PDS5A: variants seen among roughly 807,000 people sequenced by gnomAD.
The protein encoded by PDS5A is PDS5 cohesin associated factor A, also known as sister chromatid cohesion protein PDS5 homolog A.
A neutral mutation model predicts 167.1 loss-of-function variants in PDS5A; 42 were observed. The ratio of observed to expected loss-of-function variants is 0.25; its 90% CI spans 0.20 to 0.33. The LOEUF is 0.33. Among genes scored for constraint, PDS5A ranks in the 10% least tolerant of loss-of-function variants. The probability of loss-of-function intolerance (pLI) is 1.00; values close to 1 mark genes in which losing one functional copy is unlikely to be tolerated. For missense variants in PDS5A, 1,033 were observed against 1,605.9 expected (o/e 0.64, Z 6.10); for synonymous variants, 553 against 554.6 (o/e 1.00, Z 0.04).
At chr4:39,945,321 C>A (rs191003793) in intron 2 of PDS5A, among the ~76,000 whole-genome samples, 1 of 151,650 alleles carries the variant, frequency 6.6e-6, no homozygotes, top group Non-Finnish European at 1.5e-5. Context: ...ATTAGCCAGG[C>A]GTGGTGGCAG....
At chr4:39,873,199 T>G (rs749965548) in intron 20 of PDS5A, 55 bp from the exon 21 acceptor site, 95 of 1,123,874 alleles carry the variant, frequency 8.5e-5, no homozygotes, top group Non-Finnish European at 2.8e-5. Flanking sequence ...ATCTAGACAC[T>G]CTACTGAAAC....
chr4:39,952,494 ATCT>A (rs1450253621), intron 2 of PDS5A, among the ~76,000 whole-genome samples: 1 of 152,046 alleles, frequency 6.6e-6, no homozygotes, highest in Non-Finnish European at 1.5e-5. Context: ...TAATTTGTTA[ATCT>A]TTTTTTTTTC....
intron 22 of PDS5A, 143 bp downstream of exon 22, chr4:39,869,250 CA>C: frequency 1.6e-6 from 1 of 632,868 alleles, no homozygotes; most frequent in Non-Finnish European, 2.8e-6. Context: ...GTGGGAGGAT[CA>C]GCTGAGCCCA....
intron 17 of PDS5A, among the ~76,000 whole-genome samples, chr4:39,885,183 G>A (rs1223853555): frequency 6.7e-6 from 1 of 149,966 alleles, no homozygotes; most frequent in Admixed American, 6.7e-5. Context: ...AGGCAGAGGT[G>A]GCAGTGAGCT....
chr4:39,928,695 T>C (rs1055159291), intron 2 of PDS5A, among the ~76,000 whole-genome samples: 1 of 152,004 alleles, frequency 6.6e-6, no homozygotes, highest in Non-Finnish European at 1.5e-5. Context: ...TATGGTAGCA[T>C]GTGTCTGTAG....
At chr4:39,931,415 G>A (rs1330586003) in intron 2 of PDS5A, among the ~76,000 whole-genome samples, 7 of 152,152 alleles carry the variant, frequency 4.6e-5, no homozygotes, top group Non-Finnish European at 4.4e-5. Context: ...ATTGGAAAGT[G>A]GCTTAGCTAA....
intron 2 of PDS5A, among the ~76,000 whole-genome samples, chr4:39,944,094 C>T (rs1214674848): frequency 4.9e-5 from 7 of 144,264 alleles, no homozygotes; most frequent in East Asian, 2.2e-4. Flanking sequence ...AAGAGAATGG[C>T]GTGAACCCAG....
intron 23 of PDS5A, among the ~76,000 whole-genome samples, chr4:39,866,498 G>A (rs1246500336): frequency 6.6e-6 from 1 of 152,154 alleles, no homozygotes; most frequent in East Asian, 1.9e-4. Flanking sequence ...GCTCTTTGAA[G>A]GCAGGGACTT....
intron 23 of PDS5A, among the ~76,000 whole-genome samples, chr4:39,863,790 G>A (rs1400194247): frequency 2.0e-5 from 3 of 152,092 alleles, no homozygotes; most frequent in African/African-American, 7.2e-5. Flanking sequence ...TTTACATCAG[G>A]AGCTGTATCC....
At chr4:39,829,086 C>G (rs1715578254) in intron 32 of PDS5A, among the ~76,000 whole-genome samples, 1 of 152,098 alleles carries the variant, frequency 6.6e-6, no homozygotes, top group Non-Finnish European at 1.5e-5. Context: ...TGTAGCTCAG[C>G]GGTGTGTTTG....
chr4:39,851,709 T>C lies in PDS5A; in HGVS notation c.3087-2057A>G, dbSNP rs80302529. 5.5e-3 allele frequency among the ~76,000 whole-genome samples: 833 copies of C among 152,318 alleles called. 7 individuals are homozygous for C. Among genetic ancestry groups the C allele is most frequent in the African/African-American group, 0.019 (791 of 41,564 alleles). On this transcript the variant is annotated intron_variant, in intron 26 of 32. Transcript: ENST00000303538. ...TTAACAAAAATACACAAAATAAATATAATAAACATTATCTGAGCAACTATA... is the reference window on the plus strand; with the variant it reads ...TTAACAAAAATACACAAAATAAATACAATAAACATTATCTGAGCAACTATA...
intron 7 of PDS5A, among the ~76,000 whole-genome samples, chr4:39,918,606 T>C (rs1034603810): frequency 1.3e-5 from 2 of 152,154 alleles, no homozygotes; most frequent in Admixed American, 6.5e-5. Context: ...GTAATCGCAG[T>C]ACTTTGGGAG....
intron 18 of PDS5A, among the ~76,000 whole-genome samples, chr4:39,879,060 G>C (rs908984348): frequency 1.3e-5 from 2 of 152,150 alleles, no homozygotes; most frequent in Non-Finnish European, 2.9e-5. Flanking sequence ...TGATATTTAA[G>C]ACCCTTGGAA....
Position 39,928,052 on chromosome 4 carries a change from T to A in PDS5A, c.251A>T (p.Lys84Ile). 1 of 1,613,664 alleles carries A rather than the reference T, an allele frequency of 6.2e-7. No homozygotes were observed. Among genetic ancestry groups the A allele is most frequent in the East Asian group, 2.2e-5 (1 of 44,868 alleles). ...ASEFFLRNPN[K>I]DVRLLVACCL... is the part of the protein sequence containing the mutation. ...ACATGCTACAAGGAGACGCACATCTTTATTGGGGTTCCTGAGGAAGAATTC... is the reference window on the plus strand; with the variant it reads ...ACATGCTACAAGGAGACGCACATCTATATTGGGGTTCCTGAGGAAGAATTC... The change falls in exon 3 of 33, where the codon AAA becomes ATA. Residue 84 changes from lysine (K) to isoleucine (I), a missense_variant. By Grantham distance (102) the Lys-to-Ile change is moderately radical. Around this residue, in one of 4 missense-constraint regions of PDS5A, gnomAD observed 388 missense variants for 615.1 expected, o/e 0.63. Coordinates refer to ENST00000303538, the MANE Select transcript of PDS5A (RefSeq NM_001100399.2).
chr4:39,924,354 A>C (rs990630473), intron 5 of PDS5A, among the ~76,000 whole-genome samples: 1 of 152,252 alleles, frequency 6.6e-6, no homozygotes, highest in African/African-American at 2.4e-5. Context: ...AGCAAAAGCT[A>C]ACAAACACAA....
At chr4:39,907,965 C>T (rs1338841325) in intron 11 of PDS5A, among the ~76,000 whole-genome samples, 1 of 152,136 alleles carries the variant, frequency 6.6e-6, no homozygotes, top group African/African-American at 2.4e-5. Flanking sequence ...TTGTCCTTAG[C>T]TTGGCACATC....
Position 39,824,751 on chromosome 4 carries a change from G to A in PDS5A, c.*734C>T, listed in dbSNP as rs1311308172. On this transcript the variant is annotated 3_prime_UTR_variant, in exon 33 of 33. Coordinates refer to ENST00000303538, the MANE Select transcript of PDS5A (RefSeq NM_001100399.2). ...ACAAACAACAATATGTACATTTATT[G>A]CAAATTATATTAAACTAAAATGAGG... The A allele has an allele frequency of 6.6e-6, 1 of 152,482 alleles. No individual in the cohort carries two copies. The highest frequency in any genetic ancestry group is 1.5e-5 in the Non-Finnish European group (1 of 68,016). The allele number at this position is 152,482 out of a possible 1,614,324, so 9.4% of individuals were successfully genotyped here. A position where few individuals can be genotyped will look rare whatever the true frequency, so the allele number is the denominator to read the frequency against.
chr4:39,880,576 T>C (rs1190430929), intron 17 of PDS5A, among the ~76,000 whole-genome samples: 1 of 152,030 alleles, frequency 6.6e-6, no homozygotes, highest in Non-Finnish European at 1.5e-5. Context: ...TTTGGCTAAT[T>C]TTTTTTTCCT....
rs542702706 is a variant in PDS5A, at chr4:39,950,623, C to T, written c.139-22459G>A. Reference sequence around the variant, plus strand: ...TTTTTGAGATGGAGTCTTGCTCTGTCGCCCAGACTGGAGTGCAGTGGCACC... The same window carrying T: ...TTTTTGAGATGGAGTCTTGCTCTGTTGCCCAGACTGGAGTGCAGTGGCACC... On this transcript the variant is annotated intron_variant, in intron 2 of 32. Coordinates refer to ENST00000303538, the MANE Select transcript of PDS5A (RefSeq NM_001100399.2). 3.9e-4 allele frequency among the ~76,000 whole-genome samples: 60 copies of T among 152,208 alleles called. 1 individual carries two copies. Among genetic ancestry groups the T allele is most frequent in the Middle Eastern group, 3.4e-3 (1 of 294 alleles).
Sources: allele counts gnomAD v4.1 joint callset (sites outside exome capture counted in the v4.1 genomes callset), GRCh38; gene constraint gnomAD v4.1.1; regional missense constraint gnomAD v4.1.1; transcripts MANE v1.5; gene names NCBI Gene and HGNC (gene_info 2026-07-23, HGNC 2026-07-21).